The following ZNF469 variants were observed in gnomAD, a reference collection of about 807,000 sequenced individuals.
ZNF469 encodes zinc finger protein 469.
ZNF469 carries 1 observed loss-of-function variant against 1.0 expected under a neutral mutation model. The observed-to-expected ratio is 1.00, with a 90% CI of 0.35 to 4.73. The LOEUF is 4.73. ZNF469 is among the 30% of genes most tolerant of loss of function. The pLI, the probability that ZNF469 is intolerant of heterozygous loss-of-function variation, is 0.16. For synonymous variants in ZNF469, 2,703 were observed against 2,363.4 expected (o/e 1.14, Z -4.17); for missense variants, 6,100 against 5,356.3 (o/e 1.14, Z -4.33).
chr16:88,421,773 C>T (rs1191813144), intron 1 of ZNF469, among the ~76,000 whole-genome samples: 1 of 152,246 alleles, frequency 6.6e-6, no homozygotes, highest in African/African-American at 2.4e-5. Context: ...GCCTTCAAAT[C>T]TCAGCTTGGC....
At chr16:88,404,638 A>G (rs116259380) in intron 1 of ZNF469, among the ~76,000 whole-genome samples, 2 of 152,166 alleles carry the variant, frequency 1.3e-5, no homozygotes, top group Non-Finnish European at 2.9e-5. Flanking sequence ...ACGTGCTGCT[A>G]TGCAAATGAG....
chr16:88,351,632 G>A, the ZNF469 span, among the ~76,000 whole-genome samples: 1 of 152,094 alleles, frequency 6.6e-6, no homozygotes, highest in Non-Finnish European at 1.5e-5. Flanking sequence ...CAAGTCCCGT[G>A]CTGTGGCGGC....
the ZNF469 span, among the ~76,000 whole-genome samples, chr16:88,181,566 T>C: frequency 1.3e-5 from 2 of 152,132 alleles, no homozygotes; most frequent in African/African-American, 2.4e-5. Flanking sequence ...AAATGACTGA[T>C]AGATCAAAAA....
the ZNF469 span, among the ~76,000 whole-genome samples, chr16:88,277,758 G>A: frequency 1.6e-4 from 9 of 55,170 alleles, no homozygotes; most frequent in Middle Eastern, 9.4e-3. Flanking sequence ...GTGCCACGCT[G>A]ACACTCGGTC....
the ZNF469 span, among the ~76,000 whole-genome samples, chr16:88,296,018 C>T: frequency 1.3e-5 from 2 of 152,170 alleles, no homozygotes; most frequent in Non-Finnish European, 2.9e-5. Context: ...GATAAGCGTC[C>T]CCCCTCGGGC....
the ZNF469 span, among the ~76,000 whole-genome samples, chr16:88,338,796 C>T: frequency 6.6e-6 from 1 of 152,144 alleles, no homozygotes; most frequent in African/African-American, 2.4e-5. Context: ...CAGGCACAGG[C>T]CACAGGCCAA....
At chr16:88,295,777 C>T in the ZNF469 span, among the ~76,000 whole-genome samples, 1 of 152,164 alleles carries the variant, frequency 6.6e-6, no homozygotes, top group African/African-American at 2.4e-5. Flanking sequence ...CTAGAAGATC[C>T]CTCTCTCTGG....
intron 1 of ZNF469, among the ~76,000 whole-genome samples, chr16:88,395,975 G>A (rs941077006): frequency 2.0e-5 from 3 of 152,186 alleles, no homozygotes; most frequent in Non-Finnish European, 2.9e-5. Flanking sequence ...TGCAGGTGAC[G>A]CCCTCCCAGC....
At chr16:88,274,744 G>C in the ZNF469 span, among the ~76,000 whole-genome samples, 1 of 152,214 alleles carries the variant, frequency 6.6e-6, no homozygotes, top group African/African-American at 2.4e-5. Context: ...TCAGTTATTA[G>C]AGTAAAGGAC....
the ZNF469 span, among the ~76,000 whole-genome samples, chr16:88,300,612 G>A: frequency 6.6e-6 from 1 of 152,112 alleles, no homozygotes; most frequent in Non-Finnish European, 1.5e-5. Flanking sequence ...ACACCATTGT[G>A]TCTAACACTT....
chr16:88,414,271 C>T (rs760449422), intron 1 of ZNF469, among the ~76,000 whole-genome samples: 11 of 152,238 alleles, frequency 7.2e-5, no homozygotes, highest in Non-Finnish European at 1.5e-4. Flanking sequence ...CCACAGATCA[C>T]GGCCACGGAT....
At chr16:88,363,747 C>T in the ZNF469 span, among the ~76,000 whole-genome samples, 76 of 152,324 alleles carry the variant, frequency 5.0e-4, no homozygotes, top group Middle Eastern at 0.01. Context: ...ACCCAGAAAA[C>T]ACCACAAATA....
intron 1 of ZNF469, among the ~76,000 whole-genome samples, chr16:88,415,724 T>C (rs2142286628): frequency 6.6e-6 from 1 of 152,348 alleles, no homozygotes; most frequent in Middle Eastern, 3.4e-3. Flanking sequence ...CTCAGCCATG[T>C]GCCCTGGAAC....
the ZNF469 span, among the ~76,000 whole-genome samples, chr16:88,340,919 G>A: frequency 4.2e-4 from 64 of 152,198 alleles, no homozygotes; most frequent in East Asian, 1.7e-3. Context: ...GGAGGGCCTC[G>A]CAGAGAGCCC....
chr16:88,249,026 GTCTCCCTC>G, the ZNF469 span, among the ~76,000 whole-genome samples: 1 of 152,154 alleles, frequency 6.6e-6, no homozygotes, highest in East Asian at 1.9e-4. Flanking sequence ...GCCCCTGGCT[GTCTCCCTC>G]TCACGCTGCA....
upstream of ZNF469, among the ~76,000 whole-genome samples, chr16:88,381,992 A>T (rs563050201): frequency 1.3e-5 from 2 of 152,340 alleles, no homozygotes; most frequent in Non-Finnish European, 2.9e-5. Context: ...AGCGTGCTTG[A>T]CCTGCTCCCG....
At chr16:88,229,753 C>G in the ZNF469 span, among the ~76,000 whole-genome samples, 3 of 152,232 alleles carry the variant, frequency 2.0e-5, no homozygotes, top group Non-Finnish European at 2.9e-5. Flanking sequence ...CCGCAGCTCC[C>G]TCCTCACCAA....
At chr16:88,246,953 GAATGAGTGAATA>G in the ZNF469 span, among the ~76,000 whole-genome samples, 1 of 152,122 alleles carries the variant, frequency 6.6e-6, no homozygotes, top group African/African-American at 2.4e-5. Flanking sequence ...GTGAATGAAT[GAATGAGTGAATA>G]AGTGAGTGAA....
At chr16:88,351,380 G>C in the ZNF469 span, among the ~76,000 whole-genome samples, 1 of 152,130 alleles carries the variant, frequency 6.6e-6, no homozygotes, top group Non-Finnish European at 1.5e-5. Flanking sequence ...CATCACCCCA[G>C]CCATGGGATG....
Sources: allele counts gnomAD v4.1 joint callset (sites outside exome capture counted in the v4.1 genomes callset), GRCh38; gene constraint gnomAD v4.1.1; transcripts MANE v1.5; gene names NCBI Gene and HGNC (gene_info 2026-07-23, HGNC 2026-07-21).